The following DCLK1 variants were observed in gnomAD, a reference collection of about 807,000 sequenced individuals.
The protein encoded by DCLK1 is doublecortin like kinase 1, also known as serine/threonine-protein kinase DCLK1.
A neutral mutation model predicts 86.2 loss-of-function variants in DCLK1; 16 were observed. The ratio of observed to expected loss-of-function variants is 0.19; its 90% CI spans 0.13 to 0.28. The LOEUF (loss-of-function observed/expected upper bound fraction) is 0.28. Ranked by LOEUF, DCLK1 falls within the 10% of genes least tolerant of loss-of-function variation. The pLI is 1.00. For missense variants in DCLK1, 590 were observed against 940.2 expected, an observed-to-expected ratio of 0.63 and a Z score of 4.87; for synonymous variants, 369 against 370.5, an observed-to-expected ratio of 1.00 and a Z score of 0.05.
intron 3 of DCLK1, among the ~76,000 whole-genome samples, chr13:36,031,007 A>G (rs1184655673): frequency 6.6e-6 from 1 of 152,188 alleles, no homozygotes; most frequent in African/African-American, 2.4e-5. Flanking sequence ...GATAAGCCAC[A>G]GGACTTATTT....
chr13:36,061,323 T>C (rs1318991860), intron 3 of DCLK1, among the ~76,000 whole-genome samples: 1 of 152,104 alleles, frequency 6.6e-6, no homozygotes, highest in Non-Finnish European at 1.5e-5. Context: ...AAGAAAAACA[T>C]ACCCCATTAC....
intron 4 of DCLK1, among the ~76,000 whole-genome samples, chr13:35,922,998 CCTGGT>C (rs1875885100): frequency 6.6e-6 from 1 of 152,184 alleles, no homozygotes; most frequent in South Asian, 2.1e-4. Flanking sequence ...AAGATCCAAT[CCTGGT>C]TACCTTTCCT....
At chr13:35,959,520 G>C (rs915879446) in intron 3 of DCLK1, among the ~76,000 whole-genome samples, 20 of 152,202 alleles carry the variant, frequency 1.3e-4, no homozygotes, top group African/African-American at 4.6e-4. Flanking sequence ...TTTTCTGTGA[G>C]AGAGTGAAAT....
chr13:36,108,422 T>C (rs1885482711), intron 3 of DCLK1, among the ~76,000 whole-genome samples: 2 of 152,320 alleles, frequency 1.3e-5, no homozygotes, highest in Non-Finnish European at 2.9e-5. Context: ...TACTGTTCAA[T>C]GAACTCTTTG....
rs79936095 is a variant in DCLK1, at chr13:35,835,791, C to T, written c.1229+242G>A. Among the ~76,000 whole-genome samples the T allele has an allele frequency of 9.7e-3, 1,470 of 152,228 alleles. 10 individuals carry two copies. The highest frequency in any genetic ancestry group is 0.013 in the Non-Finnish European group (895 of 68,016). Reference sequence around the variant, plus strand: ...AAGGCTTACCTGAAAGAGCTGGCAACGTCTCTCTGAGTACATTTAAAAAAA... The same window carrying T: ...AAGGCTTACCTGAAAGAGCTGGCAATGTCTCTCTGAGTACATTTAAAAAAA... On this transcript the variant is annotated intron_variant, in intron 8 of 16. Transcript: ENST00000360631.
intron 3 of DCLK1, among the ~76,000 whole-genome samples, chr13:35,990,425 A>C (rs2322829): frequency 0.36 from 54,870 of 151,638 alleles, 11,059 homozygotes; most frequent in Admixed American, 0.44. Context: ...CCAATTGGCT[A>C]TTGCGCCTCT....
At chr13:35,903,141 A>T (rs1391516702) in intron 4 of DCLK1, among the ~76,000 whole-genome samples, 6 of 152,168 alleles carry the variant, frequency 3.9e-5, no homozygotes, top group Non-Finnish European at 8.8e-5. Flanking sequence ...TGCTTAATCA[A>T]AACAAGATGT....
At chr13:35,902,688 T>A (rs1874444011) in intron 4 of DCLK1, among the ~76,000 whole-genome samples, 1 of 152,076 alleles carries the variant, frequency 6.6e-6, no homozygotes, top group South Asian at 2.1e-4. Context: ...TGTTGTCCAG[T>A]TCTTAAGGCG....
At chr13:36,055,409 T>C (rs979588443) in intron 3 of DCLK1, among the ~76,000 whole-genome samples, 1 of 152,166 alleles carries the variant, frequency 6.6e-6, no homozygotes, top group Non-Finnish European at 1.5e-5. Context: ...ATGAACTGTC[T>C]CGTGCTGACT....
chr13:36,008,684 A>G (rs1342943553), intron 3 of DCLK1, among the ~76,000 whole-genome samples: 3 of 148,104 alleles, frequency 2.0e-5, no homozygotes, highest in African/African-American at 7.4e-5. Context: ...CAATAAACAT[A>G]CGTGTGCATG....
chr13:35,931,224 C>G (rs1876413342), intron 4 of DCLK1, among the ~76,000 whole-genome samples: 1 of 152,160 alleles, frequency 6.6e-6, no homozygotes, highest in African/African-American at 2.4e-5. Flanking sequence ...AAACAAGGGC[C>G]TGGAAATCAG....
intron 3 of DCLK1, among the ~76,000 whole-genome samples, chr13:35,951,930 C>A (rs897512443): frequency 2.0e-5 from 3 of 152,106 alleles, no homozygotes; most frequent in East Asian, 1.9e-4. Context: ...TCTTTTGGCA[C>A]CATGGAGATG....
chr13:36,123,774 C>T (rs1047120711), intron 2 of DCLK1, among the ~76,000 whole-genome samples: 1 of 152,222 alleles, frequency 6.6e-6, no homozygotes, highest in Non-Finnish European at 1.5e-5. Flanking sequence ...CTGGCACATG[C>T]TCAATAACTG....
intron 15 of DCLK1, among the ~76,000 whole-genome samples, chr13:35,805,087 T>C (rs1347647110): frequency 1.3e-5 from 2 of 152,190 alleles, no homozygotes; most frequent in Non-Finnish European, 2.9e-5. Context: ...GAAAGTCTGT[T>C]ATGCCTTCTT....
At chr13:35,907,211 G>A (rs147229402) in intron 4 of DCLK1, among the ~76,000 whole-genome samples, 2 of 152,136 alleles carry the variant, frequency 1.3e-5, no homozygotes, top group African/African-American at 2.4e-5. Context: ...CACCCAGGCT[G>A]GAATGCAGTG....
intron 3 of DCLK1, among the ~76,000 whole-genome samples, chr13:35,994,852 C>T (rs527585911): frequency 1.3e-5 from 2 of 152,350 alleles, no homozygotes; most frequent in Non-Finnish European, 2.9e-5. Context: ...GCATTACTAT[C>T]TTATCCACTG....
chr13:36,097,743 T>C (rs1885066688), intron 3 of DCLK1, among the ~76,000 whole-genome samples: 1 of 152,104 alleles, frequency 6.6e-6, no homozygotes, highest in African/African-American at 2.4e-5. Flanking sequence ...CTCAATGTGT[T>C]TAAAGACTGA....
Position 35,793,451 on chromosome 13 carries a change from T to G in DCLK1, c.1973A>C (p.Gln658Pro). 6.2e-7 allele frequency: 1 copy of G among 1,607,730 alleles called. No individual in the cohort carries two copies. Among genetic ancestry groups the G allele is most frequent in the Non-Finnish European group, 8.5e-7 (1 of 1,176,822 alleles). ...CTTTATCTTTCCAGCTACTGACAGC[T>G]GATGTTCATTTTCTGGGAGGCCATC... ...NDDGLPENEH[Q>P]LSVAGKIKKH... Residue 658 changes from glutamine (Q) to proline (P), a missense_variant, in exon 16 of 17, where the codon CAG becomes CCG. By Grantham distance (76) the Gln-to-Pro change is moderately conservative. Around this residue, in one of 6 missense-constraint regions of DCLK1, gnomAD observed 146 missense variants for 190.2 expected, o/e 0.77. Transcript: ENST00000360631.
intron 3 of DCLK1, among the ~76,000 whole-genome samples, chr13:36,067,872 C>A (rs887713075): frequency 1.3e-5 from 2 of 152,090 alleles, no homozygotes; most frequent in Non-Finnish European, 2.9e-5. Context: ...AGTCTGCTGC[C>A]CCCCACAGAA....
Sources: allele counts gnomAD v4.1 joint callset (sites outside exome capture counted in the v4.1 genomes callset), GRCh38; gene constraint gnomAD v4.1.1; regional missense constraint gnomAD v4.1.1; transcripts MANE v1.5; gene names NCBI Gene and HGNC (gene_info 2026-07-23, HGNC 2026-07-21).